ARHGAP6: variants seen among roughly 807,000 people sequenced by gnomAD.
The protein encoded by ARHGAP6 is rho GTPase-activating protein 6.
Under a neutral mutation model 55.7 loss-of-function variants are expected in ARHGAP6, and 16 were observed. The observed-to-expected ratio is 0.29, with a 90% CI of 0.19 to 0.44. The LOEUF (loss-of-function observed/expected upper bound fraction) is 0.44. Among genes scored for constraint, ARHGAP6 ranks in the 20% least tolerant of loss-of-function variants. ARHGAP6 has a pLI of 1.00. For synonymous variants in ARHGAP6, 382 were observed against 360.9 expected (o/e 1.06, Z -0.66); for missense variants, 698 against 808.9 (o/e 0.86, Z 1.66).
intron 2 of ARHGAP6, among the ~76,000 whole-genome samples, chrX:11,246,139 A>G (rs756352297): frequency 7.4e-4 from 82 of 111,064 alleles, no homozygotes; most frequent in Non-Finnish European, 1.4e-3. Flanking sequence ...ATCAAGCATA[A>G]TGATGCAGTG....
At chrX:11,453,455 A>G (rs2050165519) in intron 1 of ARHGAP6, among the ~76,000 whole-genome samples, 1 of 108,347 alleles carries the variant, frequency 9.2e-6, no homozygotes, top group Non-Finnish European at 1.9e-5. Flanking sequence ...CTTGTACTTG[A>G]GATTTTTGAG....
chrX:11,433,162 AGAG>A (rs1284695480), intron 1 of ARHGAP6, among the ~76,000 whole-genome samples: 1 of 112,132 alleles, frequency 8.9e-6, no homozygotes, highest in East Asian at 2.8e-4. Context: ...TGGAGAAGAG[AGAG>A]GAGAACATCC....
intron 1 of ARHGAP6, among the ~76,000 whole-genome samples, chrX:11,467,988 GAATGAATAAATAAATAAATA>G (rs745353123): frequency 1.9e-4 from 16 of 82,814 alleles, no homozygotes; most frequent in East Asian, 4.3e-4. Context: ...TTAAATGAAT[GAATGAATAAATAAATAAATA>G]AATAAATAAA....
chrX:11,516,915 C>T (rs1465374330), intron 1 of ARHGAP6, among the ~76,000 whole-genome samples: 1 of 111,768 alleles, frequency 8.9e-6, no homozygotes, highest in Non-Finnish European at 1.9e-5. Flanking sequence ...AGGTTGTATT[C>T]TCCTTCAAGG....
At chrX:11,339,524 C>G (rs147560053) in intron 1 of ARHGAP6, among the ~76,000 whole-genome samples, 1,264 of 111,034 alleles carry the variant, frequency 0.011, 20 homozygotes, top group African/African-American at 0.04. Context: ...ATCATACCTC[C>G]ATTTCCTCAC....
At chrX:11,276,756 T>C (rs2047774242) in intron 1 of ARHGAP6, among the ~76,000 whole-genome samples, 1 of 112,418 alleles carries the variant, frequency 8.9e-6, no homozygotes, top group South Asian at 3.7e-4. Flanking sequence ...TTACACAGTA[T>C]TTCACAGACC....
intron 1 of ARHGAP6, among the ~76,000 whole-genome samples, chrX:11,489,946 T>C (rs758787264): frequency 1.8e-5 from 2 of 110,740 alleles, no homozygotes; most frequent in Non-Finnish European, 3.8e-5. Context: ...CATGAGAATG[T>C]GAGGACCAGA....
chrX:11,601,971 G>A lies in ARHGAP6; in HGVS notation c.588+62270C>T, dbSNP rs971208939. Among the ~76,000 whole-genome samples, 5 of 111,699 alleles carry A rather than the reference G, an allele frequency of 4.5e-5. No homozygotes were observed. In the Admixed American group the frequency reaches 4.8e-4, roughly 11 times the overall value. ...AAAGCTTGAAAGAACCTACAGTGCA[G>A]TTTTGCTAGTCATAGTAGTGCTGTG... is the stretch of plus-strand genomic sequence containing the variant. On this transcript the variant is annotated intron_variant, in intron 1 of 12. Transcript: ENST00000337414.
chrX:11,503,189 C>T (rs952258521), intron 1 of ARHGAP6, among the ~76,000 whole-genome samples: 3 of 111,581 alleles, frequency 2.7e-5, no homozygotes, highest in African/African-American at 9.8e-5. Flanking sequence ...AGCCACCGTG[C>T]CCAGCCATAT....
chrX:11,470,756 G>T (rs1486934378), intron 1 of ARHGAP6, among the ~76,000 whole-genome samples: 1 of 112,088 alleles, frequency 8.9e-6, no homozygotes, highest in Non-Finnish European at 1.9e-5. Context: ...AGGAACAGCA[G>T]GGGTAGCTTC....
intron 1 of ARHGAP6, among the ~76,000 whole-genome samples, chrX:11,401,908 C>A (rs1211132254): frequency 1.8e-5 from 2 of 112,102 alleles, no homozygotes; most frequent in African/African-American, 3.2e-5. Context: ...TACATATATA[C>A]ATATAAATAA....
intron 1 of ARHGAP6, among the ~76,000 whole-genome samples, chrX:11,502,599 C>A (rs1475764702): frequency 8.9e-6 from 1 of 112,018 alleles, no homozygotes; most frequent in East Asian, 2.8e-4. Context: ...GCAAGACCAA[C>A]CCCTCCTCGA....
intron 8 of ARHGAP6, among the ~76,000 whole-genome samples, chrX:11,173,474 C>A (rs2046123838): frequency 8.9e-6 from 1 of 112,192 alleles, no homozygotes; most frequent in Non-Finnish European, 1.9e-5. Context: ...TTCTTGAACT[C>A]TGAAAAACCA....
At chrX:11,339,744 T>C (rs2048680462) in intron 1 of ARHGAP6, among the ~76,000 whole-genome samples, 1 of 111,687 alleles carries the variant, frequency 9.0e-6, no homozygotes, top group South Asian at 3.8e-4. Flanking sequence ...CATATCCCCA[T>C]CTAGGGGCAT....
At chrX:11,217,792 C>T (rs1382209571) in intron 2 of ARHGAP6, among the ~76,000 whole-genome samples, 1 of 111,894 alleles carries the variant, frequency 8.9e-6, no homozygotes, top group African/African-American at 3.2e-5. Flanking sequence ...TTGCCCATGC[C>T]TATGTCCTGA....
intron 1 of ARHGAP6, among the ~76,000 whole-genome samples, chrX:11,357,336 C>T (rs189362929): frequency 5.4e-5 from 6 of 111,917 alleles, no homozygotes; most frequent in Admixed American, 9.5e-5. Flanking sequence ...GACACTGGCT[C>T]ATCATTGGAC....
chrX:11,379,080 C>T (rs943501657), intron 1 of ARHGAP6, among the ~76,000 whole-genome samples: 7 of 112,549 alleles, frequency 6.2e-5, no homozygotes, highest in African/African-American at 2.3e-4. Context: ...GGGGGCTGTG[C>T]TCTAGGCTGG....
intron 1 of ARHGAP6, among the ~76,000 whole-genome samples, chrX:11,309,269 CA>C (rs1457001730): frequency 9.0e-6 from 1 of 111,665 alleles, no homozygotes. Context: ...TACACCTCAG[CA>C]ATAGCAGCAG....
chrX:11,294,999 A>G (rs1346120488), intron 1 of ARHGAP6, among the ~76,000 whole-genome samples: 1 of 112,013 alleles, frequency 8.9e-6, no homozygotes, highest in Non-Finnish European at 1.9e-5. Context: ...GCTTGTTTTA[A>G]AAAGGTATAT....
Sources: gnomAD v4.1 joint callset for allele counts (sites outside exome capture counted in the v4.1 genomes callset) on GRCh38, gnomAD v4.1.1 for gene constraint, MANE v1.5 for transcripts, NCBI Gene and HGNC (gene_info 2026-07-23, HGNC 2026-07-21) for gene names.